MKRN2: variants seen among roughly 807,000 people sequenced by gnomAD.
The protein encoded by MKRN2 is makorin ring finger protein 2, also known as E3 ubiquitin-protein ligase makorin-2.
In MKRN2, 32 loss-of-function variants were observed where a neutral mutation model predicts 45.4. That is an observed-to-expected ratio of 0.70 (90% CI 0.53 to 0.95). The LOEUF (loss-of-function observed/expected upper bound fraction) is 0.95. Ranked by LOEUF, MKRN2 falls within the 40% of genes least tolerant of loss-of-function variation. The pLI is 0.00. For missense variants in MKRN2, 526 were observed against 536.7 expected, an observed-to-expected ratio of 0.98 and a Z score of 0.20; for synonymous variants, 206 against 192.4, an observed-to-expected ratio of 1.07 and a Z score of -0.59.
rs1283012264 is a variant in MKRN2 at position 12,572,175 on chromosome 3, G to A, written c.444G>A (p.Leu148=). The part of the protein sequence containing the change: ...PSPEMKPHSY[L]DAIRSGLDDV... ...CCGAGATGAAGCCGCATTCCTACCTGGATGCCATCAGGAGTGGCCTTGATG... is the reference window on the plus strand; with the variant it reads ...CCGAGATGAAGCCGCATTCCTACCTAGATGCCATCAGGAGTGGCCTTGATG... Residue 148 remains leucine (L), a synonymous_variant, in exon 4 of 8, where the codon CTG becomes CTA. Transcript: ENST00000170447. 6.8e-6 allele frequency: 11 copies of A among 1,613,960 alleles called. No homozygotes were observed. The African/African-American group carries it at 8.0e-5, about 12-fold the overall frequency.
intron 2 of MKRN2, 32 bp downstream of exon 2, chr3:12,569,035 C>T (rs1575518947): frequency 6.3e-7 from 1 of 1,592,454 alleles, no homozygotes; most frequent in Admixed American, 1.8e-5. Flanking sequence ...CCAGCTGTGA[C>T]ACTGATTTCA....
intron 3 of MKRN2, among the ~76,000 whole-genome samples, chr3:12,570,617 C>G (rs2058092811): frequency 6.6e-6 from 1 of 152,076 alleles, no homozygotes; most frequent in African/African-American, 2.4e-5. Flanking sequence ...TGGCTCACAC[C>G]TATAACCCCA....
intron 1 of MKRN2, among the ~76,000 whole-genome samples, chr3:12,561,490 AAC>A (rs2058036023): frequency 6.6e-6 from 1 of 152,168 alleles, no homozygotes; most frequent in South Asian, 2.1e-4. Context: ...CTTCAAAAGA[AAC>A]AATACAGTAT....
chr3:12,561,413 G>C (rs1675572711), intron 1 of MKRN2, among the ~76,000 whole-genome samples: 3 of 152,190 alleles, frequency 2.0e-5, no homozygotes, highest in African/African-American at 7.2e-5. Context: ...TTAACAAATA[G>C]TATCTGGTAG....
intron 5 of MKRN2, among the ~76,000 whole-genome samples, chr3:12,575,449 A>G (rs544286998): frequency 1.3e-5 from 2 of 152,306 alleles, no homozygotes; most frequent in Non-Finnish European, 1.5e-5. Flanking sequence ...TGCCTGGCAC[A>G]TGGGATGTGC....
At chr3:12,570,369 T>C (rs2058091493) in intron 3 of MKRN2, 117 bp downstream of exon 3, 1 of 1,031,578 alleles carries the variant, frequency 9.7e-7, no homozygotes, top group Non-Finnish European at 1.4e-6. Context: ...ACCTCCAGAT[T>C]GTCTGCGCGG....
chr3:12,568,457 G>T (rs1010323494), intron 1 of MKRN2, among the ~76,000 whole-genome samples: 1 of 152,194 alleles, frequency 6.6e-6, no homozygotes, highest in Non-Finnish European at 1.5e-5. Context: ...GCCCAGGGAA[G>T]TTGGTTTTGT....
chr3:12,568,048 G>C (rs1325878430), intron 1 of MKRN2, among the ~76,000 whole-genome samples: 3 of 152,178 alleles, frequency 2.0e-5, no homozygotes, highest in Non-Finnish European at 4.4e-5. Flanking sequence ...CAACCTTTCT[G>C]TTTCTCACTT....
At chr3:12,569,053 A>G (rs114800154) in intron 2 of MKRN2, 50 bp downstream of exon 2, 17,066 of 1,578,466 alleles carry the variant, frequency 0.011, 126 homozygotes, top group Admixed American at 0.013. Flanking sequence ...TCATTTGGAG[A>G]ATGGGTCTTG....
chr3:12,562,344 AGGCAAGG>A (rs1392428908), intron 1 of MKRN2, among the ~76,000 whole-genome samples: 1 of 152,180 alleles, frequency 6.6e-6, no homozygotes, highest in African/African-American at 2.4e-5. Context: ...CCCAGATGCC[AGGCAAGG>A]GGCAGCCTTG....
chr3:12,566,456 C>T (rs1575517950), intron 1 of MKRN2, among the ~76,000 whole-genome samples: 1 of 30,872 alleles, frequency 3.2e-5, no homozygotes, highest in African/African-American at 1.1e-3. Flanking sequence ...AAGTTTGTTT[C>T]TCTCTCTCTC....
chr3:12,569,838 A>G (rs1469333060), intron 2 of MKRN2, among the ~76,000 whole-genome samples: 1 of 152,212 alleles, frequency 6.6e-6, no homozygotes, highest in Non-Finnish European at 1.5e-5. Context: ...GTCCCACTCA[A>G]GTCCCACAGA....
chr3:12,576,855 T>A, intron 6 of MKRN2, 114 bp downstream of exon 6: 1 of 619,036 alleles, frequency 1.6e-6, no homozygotes. Context: ...CCTCTCTTCC[T>A]TCTCTCAGGC....
chr3:12,571,766 A>G (rs764401614), intron 3 of MKRN2, among the ~76,000 whole-genome samples: 7 of 152,094 alleles, frequency 4.6e-5, no homozygotes, highest in East Asian at 1.9e-4. Context: ...TAACATTTCC[A>G]TATTTGCCAT....
chr3:12,572,281 G>A lies in MKRN2; in HGVS notation c.550G>A (p.Ala184Thr). The change falls in exon 4 of 8, where the codon GCC becomes ACC. Residue 184 changes from alanine to threonine, a missense_variant. Transcript: ENST00000170447. Reference protein sequence around the residue: ...AAAGECRFGDACVYLHGEVCE... With the variant: ...AAAGECRFGDTCVYLHGEVCE... Reference sequence around the variant, plus strand: ...TGCTGGGGAGTGCCGGTTTGGGGATGCCTGTGTCTACCTGCACGGGGAGGT... The same window carrying A: ...TGCTGGGGAGTGCCGGTTTGGGGATACCTGTGTCTACCTGCACGGGGAGGT... 1.2e-6 allele frequency: 2 copies of A among 1,614,028 alleles called. No individual in the cohort carries two copies. Among genetic ancestry groups the A allele is most frequent in the Non-Finnish European group, 1.7e-6 (2 of 1,179,912 alleles).
Position 12,572,075 on chromosome 3 carries a change from C to T in MKRN2, c.344C>T (p.Ser115Phe), listed in dbSNP as rs2058102859. 3 of 1,603,748 alleles carry T rather than the reference C, an allele frequency of 1.9e-6. No individual in the cohort carries two copies. Residue 115 changes from serine to phenylalanine, a missense_variant, in exon 4 of 8, where the codon TCT (serine) becomes TTT (phenylalanine). Transcript: ENST00000170447. Reference protein sequence around the residue: ...RTLVLRDRNLSGMAERKTQPS... With the variant: ...RTLVLRDRNLFGMAERKTQPS... The stretch of plus-strand genomic sequence containing the variant: ...TGCTGTGTGTTGTTTTCAGATCTCT[C>T]TGGCATGGCTGAAAGGAAGACCCAG...
At chr3:12,568,269 C>T (rs1274459770) in intron 1 of MKRN2, among the ~76,000 whole-genome samples, 12 of 152,178 alleles carry the variant, frequency 7.9e-5, no homozygotes, top group Admixed American at 7.9e-4. Context: ...GCCTGGGTGA[C>T]AGAGAGACTC....
intron 1 of MKRN2, among the ~76,000 whole-genome samples, 169 bp downstream of exon 1, chr3:12,557,345 G>T (rs1244423773): frequency 2.0e-5 from 3 of 152,234 alleles, no homozygotes; most frequent in African/African-American, 7.2e-5. Flanking sequence ...CGCCACAGCC[G>T]GGGATCCGGG....
intron 5 of MKRN2, among the ~76,000 whole-genome samples, 181 bp from the exon 6 acceptor site, chr3:12,576,450 T>C (rs910636161): frequency 1.3e-5 from 2 of 152,068 alleles, no homozygotes; most frequent in Non-Finnish European, 2.9e-5. Context: ...TGTGTTCTCA[T>C]TGGGAAACCC....
Sources: allele counts gnomAD v4.1 joint callset (sites outside exome capture counted in the v4.1 genomes callset), GRCh38; gene constraint gnomAD v4.1.1; transcripts MANE v1.5; gene names NCBI Gene and HGNC (gene_info 2026-07-23, HGNC 2026-07-21).